MMP13: variants seen among roughly 807,000 people sequenced by gnomAD.
MMP13 encodes the protein matrix metallopeptidase 13.
In MMP13, 45 loss-of-function variants were observed where a neutral mutation model predicts 52.1. The observed-to-expected ratio is 0.86, with a 90% CI of 0.68 to 1.11. The LOEUF (loss-of-function observed/expected upper bound fraction) is 1.11. Ranked by LOEUF, MMP13 falls within the 50% of genes least tolerant of loss-of-function variation. The pLI, the probability that MMP13 is intolerant of heterozygous loss-of-function variation, is 0.00. For synonymous variants in MMP13, 200 were observed against 204.4 expected (o/e 0.98, Z 0.18); for missense variants, 576 against 583.8 (o/e 0.99, Z 0.14).
chr11:102,952,487 C>T lies in MMP13; in HGVS notation c.638-314G>A, dbSNP rs1457680129. On this transcript the variant is annotated intron_variant, in intron 4 of 9. Transcript: ENST00000260302. This position sits in a 1 kb window ranked among gnomAD's most constrained non-coding sequence, Gnocchi z 4.3. ...TGAATACATTAGAACTCCTGATTTG[C>T]GCTTAGTATTCTCAGGTCAGGTGAG... is the stretch of plus-strand genomic sequence containing the variant. 7.2e-5 allele frequency among the ~76,000 whole-genome samples: 11 copies of T among 152,160 alleles called. No homozygotes were observed. Among genetic ancestry groups the T allele is most frequent in the African/African-American group, 9.6e-5 (4 of 41,498 alleles).
intron 8 of MMP13, 42 bp downstream of exon 8, chr11:102,947,849 G>A: frequency 6.2e-7 from 1 of 1,610,132 alleles, no homozygotes; most frequent in Non-Finnish European, 8.5e-7. Flanking sequence ...GAGGCACTTT[G>A]CGGCTATGAC....
At chr11:102,951,874 T>C in intron 5 of MMP13, 138 bp downstream of exon 5, 1 of 833,524 alleles carries the variant, frequency 1.2e-6, no homozygotes, top group Non-Finnish European at 2.0e-6. Flanking sequence ...TGTATTACAG[T>C]ATTATGAAAC....
chr11:102,945,964 CT>C (rs1401307769), intron 8 of MMP13, among the ~76,000 whole-genome samples: 1 of 152,112 alleles, frequency 6.6e-6, no homozygotes, highest in Non-Finnish European at 1.5e-5. Flanking sequence ...CAAAGGCCAT[CT>C]TTTTAAAGAG....
chr11:102,944,509 G>C, intron 9 of MMP13, 143 bp from the exon 10 acceptor site: 1 of 553,496 alleles, frequency 1.8e-6, no homozygotes, highest in Admixed American at 3.4e-5. Flanking sequence ...TTCTTTAATA[G>C]TTGTTCCTTT....
In MMP13 at chr11:102,950,223, T is replaced by C. The variant is rs376033599; in HGVS notation, c.804A>G (p.Pro268=). ...GTTTAGGGTTGGGGTCTTCATCTCC[T>C]GGACCTGTAGTCGTGAAAGGCAAGA... ...DVQGIQSLYG[P]GDEDPNPKHP... The change falls in exon 6 of 10, where the codon CCA becomes CCG. Residue 268 remains proline (P), a synonymous_variant. Coordinates refer to ENST00000260302, the MANE Select transcript of MMP13 (RefSeq NM_002427.4). The C allele has an allele frequency of 4.3e-6, 7 of 1,611,072 alleles. No individual in the cohort carries two copies. The African/African-American group carries it at 9.4e-5, about 22-fold the overall frequency.
chr11:102,950,002 A>T, intron 6 of MMP13, 108 bp downstream of exon 6: 1 of 892,530 alleles, frequency 1.1e-6, no homozygotes, highest in Non-Finnish European at 1.9e-6. Flanking sequence ...GCCCATTTTT[A>T]CTGCTAACTT....
At chr11:102,948,960 A>T in intron 7 of MMP13, 65 bp downstream of exon 7, 1 of 1,586,316 alleles carries the variant, frequency 6.3e-7, no homozygotes, top group Non-Finnish European at 8.7e-7. Context: ...CTGAATCTCT[A>T]GTGGCATCAA....
chr11:102,943,302 C>T lies in MMP13; in HGVS notation c.*964G>A, dbSNP rs1393561460. Reference sequence around the variant, plus strand: ...ATTTGGATGTCTCTTTTTTAATATACATACTTCCACTTTATAAGATATATT... The same window carrying T: ...ATTTGGATGTCTCTTTTTTAATATATATACTTCCACTTTATAAGATATATT... On this transcript the variant is annotated 3_prime_UTR_variant, in exon 10 of 10. Transcript: ENST00000260302. The T allele has an allele frequency of 6.6e-6, 1 of 152,098 alleles. No individual in the cohort carries two copies. Among genetic ancestry groups the T allele is most frequent in the Non-Finnish European group, 1.5e-5 (1 of 68,010 alleles). 9.4% of individuals were successfully genotyped at this position (152,098 alleles called of 1,614,324 possible).
chr11:102,955,656 C>A lies in MMP13; in HGVS notation c.50G>T (p.Cys17Phe). 6.2e-7 allele frequency: 1 copy of A among 1,614,002 alleles called. No individual in the cohort carries two copies. The highest frequency in any genetic ancestry group is 8.5e-7 in the Non-Finnish European group (1 of 1,179,916). The change falls in exon 1 of 10, where the codon TGT becomes TTT. Residue 17 changes from cysteine to phenylalanine, a missense_variant. By Grantham distance (205) the Cys-to-Phe change is radical. Transcript: ENST00000260302. The surrounding 1 kb of genome is among the most constrained non-coding windows in gnomAD (Gnocchi z 4.9). Reference sequence around the variant, plus strand: ...ACCACTGGGAAGGGGCAGGGCCCGACAATGAGTCCAGCTCAAGAAGAGGAA... The same window carrying A: ...ACCACTGGGAAGGGGCAGGGCCCGAAAATGAGTCCAGCTCAAGAAGAGGAA... Reference protein sequence around the residue: ...AAFLFLSWTHCRALPLPSGGD... With the variant: ...AAFLFLSWTHFRALPLPSGGD...
rs1484882384 is a variant in MMP13, at chr11:102,943,891, T to C, written c.*375A>G. ...ACTATTTTATACTTTTTAGTAAGAA[T>C]GATTTATTCATTATATGCATGTATT... On this transcript the variant is annotated 3_prime_UTR_variant, in exon 10 of 10. Transcript: ENST00000260302. 2 of 198,504 alleles carry C rather than the reference T, an allele frequency of 1.0e-5. No individual in the cohort carries two copies. The highest frequency in any genetic ancestry group is 4.7e-5 in the African/African-American group (2 of 42,918). 12.3% of individuals were successfully genotyped at this position (198,504 alleles called of 1,614,324 possible).
chr11:102,948,457 C>T, intron 7 of MMP13, among the ~76,000 whole-genome samples: 1 of 152,072 alleles, frequency 6.6e-6, no homozygotes, highest in East Asian at 1.9e-4. Context: ...TTTATTATAA[C>T]ATTAATATTA....
rs1555017151 is a variant in MMP13 at position 102,950,176 on chromosome 11, C to T, written c.851G>A (p.Cys284Tyr). The T allele has an allele frequency of 2.7e-5, 43 of 1,613,768 alleles. No individual in the cohort carries two copies. Among genetic ancestry groups the T allele is most frequent in the Non-Finnish European group, 3.2e-5 (38 of 1,179,818 alleles). The change falls in exon 6 of 10, where the codon TGT (cysteine) becomes TAT (tyrosine). Residue 284 changes from cysteine to tyrosine, a missense_variant. By Grantham distance (194) the Cys-to-Tyr change is radical. Coordinates refer to ENST00000260302, the MANE Select transcript of MMP13 (RefSeq NM_002427.4). ...GGCATCAAGGGATAAGGAAGGGTCA[C>T]ATTTGTCTGGCGTTTTTGGATGTTT... Reference protein sequence around the residue: ...NPKHPKTPDKCDPSLSLDAIT... With the variant: ...NPKHPKTPDKYDPSLSLDAIT...
chr11:102,950,490 A>G (rs1260518094), intron 5 of MMP13, among the ~76,000 whole-genome samples: 3 of 151,968 alleles, frequency 2.0e-5, no homozygotes, highest in Non-Finnish European at 4.4e-5. Context: ...AAAAGGAGGG[A>G]AAAAAGCAAC....
chr11:102,947,962 C>T lies in MMP13; in HGVS notation c.1140G>A (p.Lys380=). ...CAAAGTGAACAGCTGCACTTATCTT[C>T]TTAACTTCTTTTGGAAGACCCAGTT... ...ISELGLPKEV[K]KISAAVHFED... The change falls in exon 8 of 10, where the codon AAG becomes AAA. Residue 380 remains lysine (K), a synonymous_variant. Coordinates refer to ENST00000260302, the MANE Select transcript of MMP13 (RefSeq NM_002427.4). 6.2e-7 allele frequency: 1 copy of T among 1,613,952 alleles called. No homozygotes were observed. Among genetic ancestry groups the T allele is most frequent in the African/African-American group, 1.3e-5 (1 of 75,012 alleles).
At chr11:102,954,069 T>G in intron 4 of MMP13, 87 bp downstream of exon 4, 2 of 1,444,320 alleles carry the variant, frequency 1.4e-6, no homozygotes, top group Non-Finnish European at 1.9e-6. Flanking sequence ...CCAAATATAT[T>G]TAACTTTTAT....
At chr11:102,950,879 A>G (rs1324311507) in intron 5 of MMP13, among the ~76,000 whole-genome samples, 1 of 152,190 alleles carries the variant, frequency 6.6e-6, no homozygotes, top group Non-Finnish European at 1.5e-5. Flanking sequence ...AGTCATAACA[A>G]TGTAGAAATA....
chr11:102,945,338 C>T, intron 9 of MMP13: 1 of 1,040,088 alleles, frequency 9.6e-7, no homozygotes, highest in Non-Finnish European at 1.2e-6. Flanking sequence ...CTTCCCACTC[C>T]ACAGCCAGTT....
At chr11:102,953,385 A>G (rs1023263717) in intron 4 of MMP13, among the ~76,000 whole-genome samples, 6 of 152,202 alleles carry the variant, frequency 3.9e-5, no homozygotes, top group Non-Finnish European at 8.8e-5. Context: ...TGTAAGGCCC[A>G]GTTTTATTCT....
intron 8 of MMP13, 87 bp from the exon 9 acceptor site, chr11:102,945,836 A>G: frequency 1.4e-6 from 1 of 727,010 alleles, no homozygotes; most frequent in South Asian, 1.6e-5. Context: ...GGCATCTTTC[A>G]AAATTGACAA....
Sources: gnomAD v4.1 joint callset for allele counts (sites outside exome capture counted in the v4.1 genomes callset) on GRCh38, gnomAD v4.1.1 for gene constraint, Gnocchi (gnomAD v3.1) non-coding constraint, MANE v1.5 for transcripts, NCBI Gene and HGNC (gene_info 2026-07-23, HGNC 2026-07-21) for gene names.